The following MKLN1 variants were observed in gnomAD, a reference collection of about 807,000 sequenced individuals.
MKLN1 encodes the protein muskelin 1, also known as muskelin.
In MKLN1, 18 loss-of-function variants were observed where a neutral mutation model predicts 99.0. The ratio of observed to expected loss-of-function variants is 0.18; its 90% confidence interval spans 0.13 to 0.27. The LOEUF (loss-of-function observed/expected upper bound fraction) is 0.27. Among genes scored for constraint, MKLN1 ranks in the 10% least tolerant of loss-of-function variants. The probability of loss-of-function intolerance (pLI) is 1.00; values close to 1 mark genes in which losing one functional copy is unlikely to be tolerated. For synonymous variants in MKLN1, 288 were observed against 293.2 expected (o/e 0.98, Z 0.18); for missense variants, 621 against 875.9 (o/e 0.71, Z 3.67).
intron 1 of MKLN1, chr7:131,328,369 C>T (rs1798957827): frequency 1.5e-5 from 4 of 265,490 alleles, no homozygotes; most frequent in Middle Eastern, 1.2e-3. Context: ...GGCAAACTAC[C>T]CCGAATGTCT....
chr7:131,360,778 A>G (rs1800006881), intron 1 of MKLN1, among the ~76,000 whole-genome samples: 1 of 152,160 alleles, frequency 6.6e-6, no homozygotes, highest in African/African-American at 2.4e-5. Flanking sequence ...GTTGTAACCT[A>G]TATAGCTGTT....
In MKLN1 at chr7:131,363,781, C is replaced by T. The variant is rs1344614032; in HGVS notation, c.99-11643C>T. ...TGGGAAAAAAAAAAAACTGTCCTGC[C>T]GTGTCACCACCCCGTTTATTTCTTT... On this transcript the variant is annotated intron_variant, in intron 1 of 17. Transcript: ENST00000352689. 5.3e-5 allele frequency among the ~76,000 whole-genome samples: 8 copies of T among 150,298 alleles called. No individual in the cohort carries two copies. In the East Asian group the frequency reaches 7.8e-4, roughly 15 times the overall value.
chr7:131,273,475 C>T (rs1797917191), intron 3 of MKLN1, among the ~76,000 whole-genome samples: 1 of 152,144 alleles, frequency 6.6e-6, no homozygotes, highest in South Asian at 2.1e-4. Flanking sequence ...GTTTGAGCTC[C>T]TGGAAACTCT....
At chr7:131,436,980 G>A (rs918126429) in intron 9 of MKLN1, among the ~76,000 whole-genome samples, 17 of 152,138 alleles carry the variant, frequency 1.1e-4, no homozygotes. Context: ...TCTGTCACTA[G>A]CTTATTAAAG....
At chr7:131,471,139 A>G in intron 16 of MKLN1, 195 bp downstream of exon 16, 1 of 491,812 alleles carries the variant, frequency 2.0e-6, no homozygotes, top group Non-Finnish European at 3.6e-6. Flanking sequence ...GATTCAAGTC[A>G]CCAAAAACCC....
chr7:131,493,064 C>T lies in MKLN1; in HGVS notation c.*5336C>T, dbSNP rs754968421. 2 of 152,140 alleles carry T rather than the reference C, an allele frequency of 1.3e-5. No homozygotes were observed. Among genetic ancestry groups the T allele is most frequent in the Admixed American group, 1.3e-4 (2 of 15,270 alleles). The allele number at this position is 152,140 out of a possible 1,614,324, so 9.4% of individuals were successfully genotyped here. A position where few individuals can be genotyped will look rare whatever the true frequency, so the allele number is the denominator to read the frequency against. On this transcript the variant is annotated 3_prime_UTR_variant, in exon 18 of 18. Transcript: ENST00000352689. ...AAGATTTGCAATGTGCTGTCTATCC[C>T]CAAACACTGCTGAGCTTGCTGGAAA...
chr7:131,415,099 GT>G (rs1563336617), intron 8 of MKLN1, among the ~76,000 whole-genome samples: 1 of 150,460 alleles, frequency 6.6e-6, no homozygotes. Flanking sequence ...TTTAGTTGTT[GT>G]TTTTTGTTTG....
chr7:131,468,641 A>T (rs1485067199), intron 15 of MKLN1, among the ~76,000 whole-genome samples: 1 of 152,142 alleles, frequency 6.6e-6, no homozygotes, highest in Non-Finnish European at 1.5e-5. Flanking sequence ...TCCAAACTTG[A>T]TGATTTGAGG....
At chr7:131,118,293 C>A (rs1021531650) in intron 1 of MKLN1, among the ~76,000 whole-genome samples, 1 of 152,128 alleles carries the variant, frequency 6.6e-6, no homozygotes, top group East Asian at 1.9e-4. Flanking sequence ...GTGGCTCATG[C>A]CTGTAATCCC....
At chr7:131,272,787 G>A (rs1797906355) in intron 3 of MKLN1, among the ~76,000 whole-genome samples, 1 of 152,148 alleles carries the variant, frequency 6.6e-6, no homozygotes, top group African/African-American at 2.4e-5. Flanking sequence ...GATCTTGTGA[G>A]ACTTATTCAC....
intron 2 of MKLN1, among the ~76,000 whole-genome samples, chr7:131,153,381 T>C (rs980195533): frequency 1.3e-5 from 2 of 152,178 alleles, no homozygotes; most frequent in Admixed American, 6.5e-5. Flanking sequence ...AATTGGTTCC[T>C]GACATCTTTT....
At chr7:131,441,214 G>C (rs1423117125) in intron 10 of MKLN1, among the ~76,000 whole-genome samples, 1 of 152,134 alleles carries the variant, frequency 6.6e-6, no homozygotes, top group Non-Finnish European at 1.5e-5. Context: ...TTCTCACTGG[G>C]TCATGAGGCA....
chr7:131,266,262 G>A (rs149284434), intron 3 of MKLN1, among the ~76,000 whole-genome samples: 53 of 151,894 alleles, frequency 3.5e-4, no homozygotes, highest in African/African-American at 1.2e-3. Flanking sequence ...TGGTAGAGAG[G>A]TGAGGCTGTC....
chr7:131,265,395 G>A (rs753750038), intron 3 of MKLN1, among the ~76,000 whole-genome samples: 21 of 151,724 alleles, frequency 1.4e-4, no homozygotes, highest in African/African-American at 3.9e-4. Context: ...TCTCTCTTAC[G>A]TCTTTCTTCT....
intron 17 of MKLN1, among the ~76,000 whole-genome samples, chr7:131,479,466 G>C (rs1797057992): frequency 6.6e-6 from 1 of 152,100 alleles, no homozygotes. Flanking sequence ...GGAGGTAGAG[G>C]CTGCAGTCAG....
intron 3 of MKLN1, among the ~76,000 whole-genome samples, chr7:131,318,021 A>C (rs943822007): frequency 1.9e-4 from 29 of 152,184 alleles, no homozygotes; most frequent in African/African-American, 6.8e-4. Flanking sequence ...GGAGACTTTA[A>C]CACCACACTG....
At chr7:131,447,295 A>G (rs1420688410) in intron 12 of MKLN1, among the ~76,000 whole-genome samples, 1 of 152,244 alleles carries the variant, frequency 6.6e-6, no homozygotes, top group Admixed American at 6.5e-5. Context: ...ACCCTATCTA[A>G]AATTGTCTTA....
intron 3 of MKLN1, among the ~76,000 whole-genome samples, chr7:131,220,844 A>T (rs1487194568): frequency 6.6e-6 from 1 of 152,198 alleles, no homozygotes; most frequent in Non-Finnish European, 1.5e-5. Context: ...GACTTTTAGC[A>T]ACAAGGAAGT....
intron 3 of MKLN1, among the ~76,000 whole-genome samples, chr7:131,252,865 C>G (rs1284963324): frequency 2.0e-5 from 3 of 152,152 alleles, no homozygotes; most frequent in African/African-American, 7.2e-5. Context: ...AGAGGGTAAT[C>G]TATTAACACA....
Sources: allele counts gnomAD v4.1 joint callset (sites outside exome capture counted in the v4.1 genomes callset), GRCh38; gene constraint gnomAD v4.1.1; transcripts MANE v1.5; gene names NCBI Gene and HGNC (gene_info 2026-07-23, HGNC 2026-07-21).